PCDHGA4: variants seen among roughly 807,000 people sequenced by gnomAD.
The protein encoded by PCDHGA4 is protocadherin gamma subfamily A, 4.
A neutral mutation model predicts 54.6 loss-of-function variants in PCDHGA4; 38 were observed. The observed-to-expected ratio is 0.70, with a 90% CI of 0.54 to 0.91. PCDHGA4 has a LOEUF of 0.91. Among genes scored for constraint, PCDHGA4 ranks in the 40% least tolerant of loss-of-function variants. The pLI, the probability that PCDHGA4 is intolerant of heterozygous loss-of-function variation, is 0.00. For missense variants in PCDHGA4, 1,298 were observed against 1,220.9 expected (o/e 1.06, Z -0.94); for synonymous variants, 511 against 512.9 (o/e 1.00, Z 0.05).
intron 1 of PCDHGA4, among the ~76,000 whole-genome samples, chr5:141,458,408 C>A (rs895785923): frequency 6.6e-6 from 1 of 151,932 alleles, no homozygotes; most frequent in East Asian, 1.9e-4. Flanking sequence ...AGAGACGGAG[C>A]GGGGGTTCCA....
chr5:141,427,937 C>T, intron 1 of PCDHGA4: 1 of 1,584,566 alleles, frequency 6.3e-7, no homozygotes, highest in African/African-American at 1.3e-5. Flanking sequence ...TGTTGGTGGG[C>T]GACCTCAATG....
intron 1 of PCDHGA4, among the ~76,000 whole-genome samples, chr5:141,470,752 C>T (rs1427502169): frequency 6.6e-6 from 1 of 152,178 alleles, no homozygotes; most frequent in Non-Finnish European, 1.5e-5. Flanking sequence ...GGCTGGAGTG[C>T]AGTGGACTCA....
chr5:141,407,947 G>C (rs910743144), intron 1 of PCDHGA4: 7 of 561,352 alleles, frequency 1.2e-5, no homozygotes, highest in South Asian at 3.4e-5. Context: ...CGCCGCTGTC[G>C]GCCAGTGCAG....
chr5:141,492,396 A>G (rs1400291073), intron 1 of PCDHGA4, among the ~76,000 whole-genome samples: 1 of 152,188 alleles, frequency 6.6e-6, no homozygotes, highest in Non-Finnish European at 1.5e-5. Flanking sequence ...GTCCACTCGC[A>G]GCTCCCCTCT....
At position 141,356,556 on chromosome 5, in the gene PCDHGA4, C is replaced by T. The variant is rs757470408; in HGVS notation, c.1449C>T (p.Phe483=). 6.2e-7 allele frequency: 1 copy of T among 1,614,036 alleles called. No individual in the cohort carries two copies. The highest frequency in any genetic ancestry group is 1.3e-5 in the African/African-American group (1 of 74,924). Residue 483 remains phenylalanine, a synonymous_variant, in exon 1 of 4, where the codon TTC becomes TTT. Coordinates refer to ENST00000571252, the MANE Select transcript of PCDHGA4 (RefSeq NM_018917.4). ...VMDINDNPPT[F]PHASYSAYIP... is the part of the protein sequence containing the mutation. The stretch of plus-strand genomic sequence containing the variant: ...ACATCAATGACAACCCACCCACTTT[C>T]CCTCATGCTTCCTACTCTGCTTACA...
chr5:141,403,403 C>G (rs755177334), intron 1 of PCDHGA4: 2 of 1,614,066 alleles, frequency 1.2e-6, no homozygotes, highest in Non-Finnish European at 1.7e-6. Context: ...TCCTGGAGCA[C>G]GTTATCCACT....
At chr5:141,360,985 G>A (rs762015105) in intron 1 of PCDHGA4, 3 of 1,613,644 alleles carry the variant, frequency 1.9e-6, no homozygotes, top group East Asian at 4.5e-5. Flanking sequence ...CTTTCATAAT[G>A]TGGACGAACA....
chr5:141,414,412 G>A, intron 1 of PCDHGA4: 1 of 1,613,832 alleles, frequency 6.2e-7, no homozygotes, highest in South Asian at 1.1e-5. Flanking sequence ...GATACACAGA[G>A]CCCTTGACAG....
intron 1 of PCDHGA4, chr5:141,404,569 C>T (rs887708182): frequency 6.2e-7 from 1 of 1,613,608 alleles, no homozygotes; most frequent in African/African-American, 1.3e-5. Context: ...ACAGTGGAAG[C>T]CCACCACTTA....
chr5:141,470,147 T>A (rs1394329530), intron 1 of PCDHGA4, among the ~76,000 whole-genome samples: 1 of 152,172 alleles, frequency 6.6e-6, no homozygotes. Context: ...AGATCATAGA[T>A]CATCTTATCA....
intron 1 of PCDHGA4, among the ~76,000 whole-genome samples, chr5:141,494,463 C>G (rs1178793763): frequency 6.6e-6 from 1 of 152,154 alleles, no homozygotes; most frequent in Non-Finnish European, 1.5e-5. Context: ...TTGTCTGCAC[C>G]TCTTCCCCCA....
chr5:141,385,265 A>G lies in PCDHGA4; in HGVS notation c.2514+27644A>G. Reference sequence around the variant, plus strand: ...AGCCAGGAGAGCTGTGAGAAAAATGATTCTTTGCTAACATCCGTAGATTTT... The same window carrying G: ...AGCCAGGAGAGCTGTGAGAAAAATGGTTCTTTGCTAACATCCGTAGATTTT... On this transcript the variant is annotated intron_variant, in intron 1 of 3. Transcript: ENST00000571252. 1.2e-6 allele frequency: 2 copies of G among 1,613,710 alleles called. No individual in the cohort carries two copies. Among genetic ancestry groups the G allele is most frequent in the Non-Finnish European group, 1.7e-6 (2 of 1,179,576 alleles).
chr5:141,357,669 G>C, intron 1 of PCDHGA4, 48 bp downstream of exon 1: 2 of 1,597,474 alleles, frequency 1.3e-6, no homozygotes, highest in Non-Finnish European at 1.7e-6. Flanking sequence ...TATAGACAAA[G>C]AGTTGTGTAA....
At chr5:141,394,621 G>C (rs1231814252) in intron 1 of PCDHGA4, 1 of 1,613,408 alleles carries the variant, frequency 6.2e-7, no homozygotes, top group African/African-American at 1.3e-5. Flanking sequence ...CAGAACGCCT[G>C]GCTGTCCTAC....
intron 1 of PCDHGA4, chr5:141,384,517 C>G: frequency 6.2e-7 from 1 of 1,614,192 alleles, no homozygotes; most frequent in South Asian, 1.1e-5. Context: ...CAGCGGGGAC[C>G]CGCCTCTCAG....
chr5:141,474,210 A>G (rs1054533367), intron 1 of PCDHGA4, among the ~76,000 whole-genome samples: 3 of 152,230 alleles, frequency 2.0e-5, no homozygotes, highest in Non-Finnish European at 4.4e-5. Context: ...ATTTTCAAAA[A>G]CCAGATTGTG....
chr5:141,355,681 G>T lies in PCDHGA4; in HGVS notation c.574G>T (p.Asp192Tyr), dbSNP rs933117526. 1 of 1,613,908 alleles carries T rather than the reference G, an allele frequency of 6.2e-7. No homozygotes were observed. Among genetic ancestry groups the T allele is most frequent in the Non-Finnish European group, 8.5e-7 (1 of 1,179,912 alleles). ...TCCTCTTCCTGAAGCTTTTGATCCG[G>T]ATGTAGGTGTAAACTCCCTGCAGGG... The part of the protein sequence containing the change: ...RFPLPEAFDP[D>Y]VGVNSLQGYQ... Residue 192 changes from aspartate (D) to tyrosine (Y), a missense_variant, in exon 1 of 4, where the codon GAT becomes TAT. Asp to Tyr is a radical substitution (Grantham distance 160). Transcript: ENST00000571252.
At position 141,393,547 on chromosome 5, in the gene PCDHGA4, C is replaced by G. The variant is rs761723933; in HGVS notation, c.2514+35926C>G. 11 of 1,613,820 alleles carry G rather than the reference C, an allele frequency of 6.8e-6. No homozygotes were observed. The African/African-American group carries it at 9.3e-5, about 14-fold the overall frequency. On this transcript the variant is annotated intron_variant, in intron 1 of 3. Transcript: ENST00000571252. ...GACAATGCCCCGGTTTTTCCTCACCCGATTTACCGAGTGAAAGTCCTTGAG... is the reference window on the plus strand; with the variant it reads ...GACAATGCCCCGGTTTTTCCTCACCGGATTTACCGAGTGAAAGTCCTTGAG...
At chr5:141,452,912 A>T (rs1301567203) in intron 1 of PCDHGA4, among the ~76,000 whole-genome samples, 1 of 152,228 alleles carries the variant, frequency 6.6e-6, no homozygotes, top group African/African-American at 2.4e-5. Flanking sequence ...GGCATTATAC[A>T]GTAAGAAAGA....
Sources: gnomAD v4.1 joint callset for allele counts (sites outside exome capture counted in the v4.1 genomes callset) on GRCh38, gnomAD v4.1.1 for gene constraint, MANE v1.5 for transcripts, NCBI Gene and HGNC (gene_info 2026-07-23, HGNC 2026-07-21) for gene names.